USH2A: variants seen among roughly 807,000 people sequenced by gnomAD.
USH2A encodes Usher syndrome 2A (autosomal recessive, mild).
USH2A carries 443 observed loss-of-function variants against 538.9 expected under a neutral mutation model. The ratio of observed to expected loss-of-function variants is 0.82; its 90% CI spans 0.76 to 0.89. The LOEUF (loss-of-function observed/expected upper bound fraction) is 0.89, where lower values mean the gene tolerates loss of function less well. Among genes scored for constraint, USH2A ranks in the 40% least tolerant of loss-of-function variants. The pLI is 0.00. For synonymous variants in USH2A, 2,413 were observed against 2,273.5 expected (o/e 1.06, Z -1.75); for missense variants, 6,633 against 6,324.8 (o/e 1.05, Z -1.65).
At chr1:216,242,520 T>A (rs1486171759) in intron 13 of USH2A, among the ~76,000 whole-genome samples, 2 of 151,994 alleles carry the variant, frequency 1.3e-5, no homozygotes, top group East Asian at 1.9e-4. Flanking sequence ...GCACTTATGA[T>A]CTTAAATGAG....
At chr1:215,668,980 A>G (rs1343329462) in intron 64 of USH2A, among the ~76,000 whole-genome samples, 1 of 152,104 alleles carries the variant, frequency 6.6e-6, no homozygotes, top group Non-Finnish European at 1.5e-5. Context: ...GGTTGCAGTG[A>G]GTTGAGATCT....
chr1:215,685,343 TTG>T (rs1491462543), intron 61 of USH2A, among the ~76,000 whole-genome samples: 14 of 79,904 alleles, frequency 1.8e-4, no homozygotes, highest in African/African-American at 4.7e-4. Flanking sequence ...TTTTTTTTTT[TTG>T]TTGTTGTTGT....
rs6671590 is a variant in USH2A at position 216,362,680 on chromosome 1, C to T, written c.784+2273G>A. Among the ~76,000 whole-genome samples, 550 of 152,018 alleles carry T rather than the reference C, an allele frequency of 3.6e-3. 4 individuals are homozygous for T. Among genetic ancestry groups the T allele is most frequent in the African/African-American group, 0.012 (511 of 41,478 alleles). On this transcript the variant is annotated intron_variant, in intron 4 of 71. Coordinates refer to ENST00000307340, the MANE Select transcript of USH2A (RefSeq NM_206933.4). Reference sequence around the variant, plus strand: ...ATTTACGGCAGGGTGCGGTGGCTCACGCCTGTAATCCCAGCACTTTGAGAG... The same window carrying T: ...ATTTACGGCAGGGTGCGGTGGCTCATGCCTGTAATCCCAGCACTTTGAGAG...
intron 64 of USH2A, among the ~76,000 whole-genome samples, chr1:215,668,785 T>C (rs1396712364): frequency 6.6e-6 from 1 of 152,106 alleles, no homozygotes; most frequent in African/African-American, 2.4e-5. Flanking sequence ...AATCCCAGCA[T>C]TTTGGGAGGT....
Position 216,073,165 on chromosome 1 carries a change from T to C in USH2A, c.5708A>G (p.Asn1903Ser), listed in dbSNP as rs1162070622. 1.9e-6 allele frequency: 3 copies of C among 1,613,932 alleles called. No homozygotes were observed. Among genetic ancestry groups the C allele is most frequent in the Non-Finnish European group, 2.5e-6 (3 of 1,179,964 alleles). The change falls in exon 28 of 72, where the codon AAT (asparagine) becomes AGT (serine). Residue 1903 changes from asparagine to serine, a missense_variant. Transcript: ENST00000307340. ...STDSAVNCRG[N>S]DSILVYQGKE... ...TCCCTGGTAAACCAGGATGGAGTCA[T>C]TTCCCCTGCAGTTAACAGCACTGTC...
intron 41 of USH2A, among the ~76,000 whole-genome samples, chr1:215,881,133 T>C (rs1359964872): frequency 1.3e-5 from 2 of 152,000 alleles, no homozygotes; most frequent in African/African-American, 4.8e-5. Flanking sequence ...AATTAATCAA[T>C]GTGTTCAAGT....
rs2034358784 is a variant in USH2A at position 216,175,435 on chromosome 1, T to C, written c.4444A>G (p.Thr1482Ala). ...GGTGGAAACCACCTAAGATGGATTG[T>C]TGTGCTGTTGATTCCTTTAACCAGA... ...PPLVKGINST[T>A]IHLRWFPPEE... The change falls in exon 21 of 72, where the codon ACA becomes GCA. Residue 1482 changes from threonine (T) to alanine (A), a missense_variant. Thr to Ala is a moderately conservative substitution (Grantham distance 58). Coordinates refer to ENST00000307340, the MANE Select transcript of USH2A (RefSeq NM_206933.4). 1.9e-6 allele frequency: 3 copies of C among 1,613,718 alleles called. No homozygotes were observed. Among genetic ancestry groups the C allele is most frequent in the African/African-American group, 1.3e-5 (1 of 74,928 alleles).
At chr1:216,140,410 C>A (rs1482748030) in intron 21 of USH2A, among the ~76,000 whole-genome samples, 1 of 152,130 alleles carries the variant, frequency 6.6e-6, no homozygotes, top group South Asian at 2.1e-4. Context: ...GCTTAGACAT[C>A]TGTATATTTT....
At chr1:215,644,838 CAG>C in intron 67 of USH2A, among the ~76,000 whole-genome samples, 1 of 152,116 alleles carries the variant, frequency 6.6e-6, no homozygotes, top group Non-Finnish European at 1.5e-5. Context: ...GTTTTGCTGT[CAG>C]AGAGAGTAGA....
chr1:216,275,575 A>G (rs919341929), intron 11 of USH2A, among the ~76,000 whole-genome samples: 1 of 152,110 alleles, frequency 6.6e-6, no homozygotes, highest in Admixed American at 6.6e-5. Flanking sequence ...ATAAATTCCA[A>G]ATAGATTTTG....
intron 21 of USH2A, among the ~76,000 whole-genome samples, chr1:216,146,039 C>T (rs528079130): frequency 2.0e-5 from 3 of 152,302 alleles, no homozygotes; most frequent in Non-Finnish European, 4.4e-5. Context: ...TCTCTTCACA[C>T]GGACGCGCAT....
In USH2A at chr1:216,073,264, C is replaced by A; in HGVS notation, c.5609G>T (p.Arg1870Leu). The A allele has an allele frequency of 6.2e-7, 1 of 1,613,742 alleles. No homozygotes were observed. The highest frequency in any genetic ancestry group is 8.5e-7 in the Non-Finnish European group (1 of 1,179,902). The change falls in exon 28 of 72, where the codon CGG becomes CTG. Residue 1870 changes from arginine (R) to leucine (L), a missense_variant. Physicochemically the swap from Arg to Leu is moderately radical, Grantham distance 102 (BLOSUM62 -2). Transcript: ENST00000307340. ...GGCMKDVKFT[R>L]GAVVNLASVS... ...AGATGCCAAGTTAACGACAGCACCC[C>A]GTGTAAATTTAACATCCTTCATGCA... is the stretch of plus-strand genomic sequence containing the variant.
At chr1:215,669,104 G>T (rs1271831785) in intron 64 of USH2A, among the ~76,000 whole-genome samples, 1 of 152,120 alleles carries the variant, frequency 6.6e-6, no homozygotes, top group Admixed American at 6.5e-5. Context: ...CATGTGACCA[G>T]AATTTAACCC....
At chr1:216,400,794 T>C (rs2039291463) in intron 3 of USH2A, among the ~76,000 whole-genome samples, 1 of 152,138 alleles carries the variant, frequency 6.6e-6, no homozygotes, top group Admixed American at 6.5e-5. Flanking sequence ...ATTTATCAAG[T>C]AATGAAAGCA....
chr1:216,203,903 C>T (rs2035053220), intron 16 of USH2A: 1 of 154,660 alleles, frequency 6.5e-6, no homozygotes, highest in Non-Finnish European at 1.5e-5. Context: ...GGCTATCTCC[C>T]CATTCATGCC....
intron 3 of USH2A, among the ~76,000 whole-genome samples, chr1:216,412,140 A>C (rs1029350799): frequency 6.6e-6 from 1 of 152,174 alleles, no homozygotes; most frequent in Non-Finnish European, 1.5e-5. Flanking sequence ...TAAGCTAAAT[A>C]GGCCAAGTTT....
At chr1:215,901,338 A>G (rs572711035) in intron 38 of USH2A, 35 of 216,402 alleles carry the variant, frequency 1.6e-4, no homozygotes, top group South Asian at 1.0e-3. Flanking sequence ...TCACACCACT[A>G]CATGTGAACA....
intron 21 of USH2A, among the ~76,000 whole-genome samples, chr1:216,173,624 C>G (rs1395411514): frequency 6.6e-6 from 1 of 152,174 alleles, no homozygotes; most frequent in African/African-American, 2.4e-5. Context: ...GCATCTGCCC[C>G]TAGCCCTTGC....
At chr1:215,944,170 G>T (rs185085496) in intron 37 of USH2A, among the ~76,000 whole-genome samples, 4,886 of 152,174 alleles carry the variant, frequency 0.032, 123 homozygotes, top group South Asian at 0.083. Flanking sequence ...TTGGCCAGCT[G>T]CCTATTTTTG....
Sources: gnomAD v4.1 joint callset for allele counts (sites outside exome capture counted in the v4.1 genomes callset) on GRCh38, gnomAD v4.1.1 for gene constraint, MANE v1.5 for transcripts, NCBI Gene and HGNC (gene_info 2026-07-23, HGNC 2026-07-21) for gene names.